SLC7A14: variants seen among roughly 807,000 people sequenced by gnomAD.
SLC7A14 encodes solute carrier family 7 member 14.
In SLC7A14, 37 loss-of-function variants were observed where a neutral mutation model predicts 60.2. The observed-to-expected ratio is 0.61, with a 90% CI of 0.47 to 0.81. SLC7A14 has a LOEUF of 0.81. Ranked by LOEUF, SLC7A14 falls within the 30% of genes least tolerant of loss-of-function variation. The pLI, the probability that SLC7A14 is intolerant of heterozygous loss-of-function variation, is 0.00. For synonymous variants in SLC7A14, 399 were observed against 395.8 expected (o/e 1.01, Z -0.10); for missense variants, 886 against 982.7 (o/e 0.90, Z 1.32).
intron 1 of SLC7A14, among the ~76,000 whole-genome samples, chr3:170,560,576 G>A (rs1418580535): frequency 6.6e-6 from 1 of 152,126 alleles, no homozygotes; most frequent in Non-Finnish European, 1.5e-5. Context: ...CAATTTTAAA[G>A]TCTGATAACA....
intron 2 of SLC7A14, among the ~76,000 whole-genome samples, chr3:170,507,048 A>C (rs1023561643): frequency 2.0e-5 from 3 of 152,194 alleles, no homozygotes; most frequent in Non-Finnish European, 4.4e-5. Flanking sequence ...AAATAAGTGT[A>C]CTTTCACCTG....
chr3:170,476,589 G>A (rs1711625601), intron 7 of SLC7A14, among the ~76,000 whole-genome samples: 1 of 152,204 alleles, frequency 6.6e-6, no homozygotes, highest in Admixed American at 6.5e-5. Flanking sequence ...GTCGCTGCAG[G>A]TTCACATCGT....
At position 170,463,701 on chromosome 3, in the gene SLC7A14, A is replaced by C. The variant is rs142761395; in HGVS notation, c.*3354T>G. On this transcript the variant is annotated 3_prime_UTR_variant, in exon 8 of 8. Coordinates refer to ENST00000231706, the MANE Select transcript of SLC7A14 (RefSeq NM_020949.3). The stretch of plus-strand genomic sequence containing the variant: ...CCAAGCTCTATTTCCTCTACTTCTT[A>C]AGAGCTGGATTTTTATCTGACTTAC... The C allele has an allele frequency of 1.9e-4, 29 of 152,322 alleles. No homozygotes were observed. The highest frequency in any genetic ancestry group is 6.5e-4 in the African/African-American group (27 of 41,576). The allele number at this position is 152,322 out of a possible 1,614,324, so 9.4% of individuals were successfully genotyped here.
At chr3:170,528,416 A>G (rs946559444) in intron 1 of SLC7A14, among the ~76,000 whole-genome samples, 2 of 152,246 alleles carry the variant, frequency 1.3e-5, no homozygotes, top group Non-Finnish European at 2.9e-5. Flanking sequence ...TTTTTGAAGT[A>G]TAGCCAGACG....
chr3:170,574,149 T>G (rs1050501364), intron 1 of SLC7A14, among the ~76,000 whole-genome samples: 4 of 152,224 alleles, frequency 2.6e-5, no homozygotes, highest in Non-Finnish European at 5.9e-5. Context: ...CTCTCTTACT[T>G]GCTTCTCTTT....
At chr3:170,529,298 T>C (rs1713604820) in intron 1 of SLC7A14, among the ~76,000 whole-genome samples, 1 of 152,264 alleles carries the variant, frequency 6.6e-6, no homozygotes. Context: ...ATATCATTTA[T>C]TCTGATTTGA....
Position 170,463,982 on chromosome 3 carries a change from T to C in SLC7A14, c.*3073A>G, listed in dbSNP as rs1577486473. 6.6e-6 allele frequency: 1 copy of C among 152,238 alleles called. No homozygotes were observed. The highest frequency in any genetic ancestry group is 1.9e-4 in the East Asian group (1 of 5,206). 9.4% of individuals were successfully genotyped at this position (152,238 alleles called of 1,614,324 possible). A position where few individuals can be genotyped will look rare whatever the true frequency, so the allele number is the denominator to read the frequency against. ...CATGCAGAAGTACTTCTTCTTGTCA[T>C]TACCACTAATTCTATTATTTTTCAT... is the stretch of plus-strand genomic sequence containing the variant. On this transcript the variant is annotated 3_prime_UTR_variant, in exon 8 of 8. Coordinates refer to ENST00000231706, the MANE Select transcript of SLC7A14 (RefSeq NM_020949.3).
chr3:170,501,649 T>C (rs1420230465), intron 2 of SLC7A14, among the ~76,000 whole-genome samples: 1 of 152,194 alleles, frequency 6.6e-6, no homozygotes, highest in East Asian at 1.9e-4. Context: ...GTGTCAGATA[T>C]CCTGTGTGAA....
intron 2 of SLC7A14, among the ~76,000 whole-genome samples, chr3:170,504,528 C>T (rs1712711881): frequency 6.6e-6 from 1 of 151,996 alleles, no homozygotes; most frequent in Non-Finnish European, 1.5e-5. Context: ...TCCATGTTGG[C>T]CAGGCTGGTC....
intron 4 of SLC7A14, among the ~76,000 whole-genome samples, chr3:170,496,897 G>A: frequency 6.6e-6 from 1 of 152,034 alleles, no homozygotes; most frequent in East Asian, 1.9e-4. Flanking sequence ...AGCTGCGGCA[G>A]TCCCTCCCAG....
chr3:170,479,455 G>A (rs1480634790), intron 7 of SLC7A14, among the ~76,000 whole-genome samples: 1 of 152,212 alleles, frequency 6.6e-6, no homozygotes, highest in African/African-American at 2.4e-5. Context: ...TGATAAGCAA[G>A]TACTGCAAAT....
intron 1 of SLC7A14, among the ~76,000 whole-genome samples, chr3:170,545,887 C>T (rs997210616): frequency 1.3e-5 from 2 of 152,244 alleles, no homozygotes; most frequent in Non-Finnish European, 2.9e-5. Flanking sequence ...AAGCTGAGCA[C>T]AGTGCCTTGT....
intron 2 of SLC7A14, among the ~76,000 whole-genome samples, chr3:170,517,149 C>T (rs967430711): frequency 1.3e-5 from 2 of 152,092 alleles, no homozygotes; most frequent in African/African-American, 2.4e-5. Flanking sequence ...TGCCTAATAA[C>T]AATAAAACTG....
At position 170,460,094 on chromosome 3, in the gene SLC7A14, T is replaced by TA. The variant is rs777824350; in HGVS notation, c.*6960dup. 18 of 152,172 alleles carry TA rather than the reference T, an allele frequency of 1.2e-4. No homozygotes were observed. Among genetic ancestry groups the TA allele is most frequent in the African/African-American group, 1.9e-4 (8 of 41,428 alleles). 9.4% of individuals were successfully genotyped at this position (152,172 alleles called of 1,614,324 possible). On this transcript the variant is annotated 3_prime_UTR_variant, in exon 8 of 8. Coordinates refer to ENST00000231706, the MANE Select transcript of SLC7A14 (RefSeq NM_020949.3). ...CATTGTACAGCACACCAATGGGAAT[T>TA]AAAAACCACAAAACGAACAAACTTT...
intron 1 of SLC7A14, among the ~76,000 whole-genome samples, chr3:170,582,768 T>G (rs1034424465): frequency 3.9e-5 from 6 of 152,332 alleles, no homozygotes; most frequent in Admixed American, 3.3e-4. Context: ...TCATTTGAAC[T>G]GAATTTGAAT....
intron 1 of SLC7A14, among the ~76,000 whole-genome samples, chr3:170,581,774 T>C (rs998412177): frequency 4.6e-5 from 7 of 152,168 alleles, no homozygotes; most frequent in African/African-American, 1.2e-4. Context: ...TCCTTTGAGA[T>C]AGTTATGGCA....
intron 2 of SLC7A14, among the ~76,000 whole-genome samples, chr3:170,504,311 TA>T (rs954636933): frequency 5.3e-5 from 8 of 152,154 alleles, no homozygotes; most frequent in South Asian, 2.1e-4. Flanking sequence ...AATTTTATTT[TA>T]TTTTTTTAAT....
At chr3:170,521,316 T>A (rs1713333418) in intron 2 of SLC7A14, among the ~76,000 whole-genome samples, 1 of 152,232 alleles carries the variant, frequency 6.6e-6, no homozygotes, top group Non-Finnish European at 1.5e-5. Flanking sequence ...GCATGGGGAA[T>A]GGTGCGGCAA....
At position 170,469,755 on chromosome 3, in the gene SLC7A14, C is replaced by T. The variant is rs142052258; in HGVS notation, c.1994-2378G>A. 4.7e-3 allele frequency among the ~76,000 whole-genome samples: 717 copies of T among 152,214 alleles called. 8 individuals carry two copies. The highest frequency in any genetic ancestry group is 0.017 in the African/African-American group (686 of 41,524). ...TATTGCCTCCTACTCCTGCTTGGTA[C>T]CTATTATGCCAATTCTTTCCTTTCT... is the stretch of plus-strand genomic sequence containing the variant. On this transcript the variant is annotated intron_variant, in intron 7 of 7. Transcript: ENST00000231706.
Sources: allele counts gnomAD v4.1 joint callset (sites outside exome capture counted in the v4.1 genomes callset), GRCh38; gene constraint gnomAD v4.1.1; transcripts MANE v1.5; gene names NCBI Gene and HGNC (gene_info 2026-07-23, HGNC 2026-07-21).